The following TNRC6B variants were observed in gnomAD, a reference collection of about 807,000 sequenced individuals.
TNRC6B encodes trinucleotide repeat containing adaptor 6B, also known as trinucleotide repeat-containing gene 6B protein.
Under a neutral mutation model 203.6 loss-of-function variants are expected in TNRC6B, and 52 were observed. The ratio of observed to expected loss-of-function variants is 0.26; its 90% CI spans 0.20 to 0.32. The LOEUF (loss-of-function observed/expected upper bound fraction) is 0.32, where lower values mean the gene tolerates loss of function less well. Among genes scored for constraint, TNRC6B ranks in the 10% least tolerant of loss-of-function variants. The pLI is 1.00. For missense variants in TNRC6B, 1,923 were observed against 2,286.2 expected (o/e 0.84, Z 3.24); for synonymous variants, 838 against 845.7 (o/e 0.99, Z 0.16).
At chr22:40,303,160 G>C (rs1825340153) in intron 15 of TNRC6B, among the ~76,000 whole-genome samples, 1 of 149,178 alleles carries the variant, frequency 6.7e-6, no homozygotes, top group South Asian at 2.1e-4. Context: ...CTCCTGAGTA[G>C]ATGGGATTAC....
At chr22:40,066,801 C>G (rs1052862173) in intron 1 of TNRC6B, among the ~76,000 whole-genome samples, 3 of 151,832 alleles carry the variant, frequency 2.0e-5, no homozygotes, top group African/African-American at 7.3e-5. Context: ...GATAGTCTCC[C>G]TCCAACTTGA....
chr22:40,276,042 A>G (rs2070639139), intron 7 of TNRC6B, among the ~76,000 whole-genome samples: 1 of 151,046 alleles, frequency 6.6e-6, no homozygotes, highest in South Asian at 2.1e-4. Context: ...GGATAATAAA[A>G]TTGATTTGAT....
chr22:40,164,665 G>A lies in TNRC6B; in HGVS notation c.113+8483G>A, dbSNP rs376172456. Reference sequence around the variant, plus strand: ...GTAATCCAAGCTACTAGGAGGCTGAGGCAGGAGAATCGCTTGAACCTGGGA... The same window carrying A: ...GTAATCCAAGCTACTAGGAGGCTGAAGCAGGAGAATCGCTTGAACCTGGGA... On this transcript the variant is annotated intron_variant, in intron 4 of 23. Coordinates refer to the TNRC6B transcript ENST00000301923. Among the ~76,000 whole-genome samples, 4 of 149,988 alleles carry A rather than the reference G, an allele frequency of 2.7e-5. No homozygotes were observed. In the East Asian group the frequency reaches 8.0e-4, roughly 30 times the overall value.
In TNRC6B at chr22:40,241,446, C is replaced by T. The variant is rs1196517388; in HGVS notation, c.6-4569C>T. 2.0e-5 allele frequency among the ~76,000 whole-genome samples: 3 copies of T among 152,226 alleles called. No individual in the cohort carries two copies. The East Asian group carries it at 5.8e-4, about 29-fold the overall frequency. On this transcript the variant is annotated intron_variant, in intron 1 of 22. Coordinates refer to ENST00000454349, the MANE Select transcript of TNRC6B (RefSeq NM_001162501.2). ...AGTCTCCTTTCATTTGGAACAATTC[C>T]TCAATCTTTCCTTGACTGTCACAGC...
chr22:40,274,698 G>T (rs2070613815), intron 7 of TNRC6B, among the ~76,000 whole-genome samples: 1 of 152,216 alleles, frequency 6.6e-6, no homozygotes, highest in Admixed American at 6.5e-5. Context: ...TGGGATTACA[G>T]GCGTGAGCCT....
rs1299826158 is a variant in TNRC6B, at chr22:40,326,639, C to T, written c.*3398C>T. The T allele has an allele frequency of 6.6e-6, 1 of 151,092 alleles. No individual in the cohort carries two copies. Among genetic ancestry groups the T allele is most frequent in the Non-Finnish European group, 1.5e-5 (1 of 67,778 alleles). The allele number at this position is 151,092 out of a possible 1,614,324, so 9.4% of individuals were successfully genotyped here. A position where few individuals can be genotyped will look rare whatever the true frequency, so the allele number is the denominator to read the frequency against. Reference sequence around the variant, plus strand: ...CTTCTCCTTGTCCCCACAACCCCAGCAACAAAAGAAAGGAAGGAAGGAAGA... The same window carrying T: ...CTTCTCCTTGTCCCCACAACCCCAGTAACAAAAGAAAGGAAGGAAGGAAGA... On this transcript the variant is annotated 3_prime_UTR_variant, in exon 23 of 23. Coordinates refer to ENST00000454349, the MANE Select transcript of TNRC6B (RefSeq NM_001162501.2).
Position 40,315,935 on chromosome 22 carries a change from C to T in TNRC6B, c.4904-7C>T, listed in dbSNP as rs923639499. 13 of 1,612,612 alleles carry T rather than the reference C, an allele frequency of 8.1e-6. No homozygotes were observed. Among genetic ancestry groups the T allele is most frequent in the African/African-American group, 1.3e-5 (1 of 74,994 alleles). ...CTCTTCCTAACCATTTTTCTGGTTG[C>T]TCATAGCCTCTACCTGGAGTGATGG... On this transcript the variant is annotated splice_polypyrimidine_tract_variant and splice_region_variant and intron_variant, in intron 20 of 22. Coordinates refer to ENST00000454349, the MANE Select transcript of TNRC6B (RefSeq NM_001162501.2).
chr22:40,312,849 G>T, intron 18 of TNRC6B, 53 bp from the exon 19 acceptor site: 1 of 1,549,274 alleles, frequency 6.5e-7, no homozygotes, highest in East Asian at 2.3e-5. Context: ...AGGTTTCACT[G>T]GTTATACTGA....
At chr22:40,306,985 A>G (rs1269936767) in intron 15 of TNRC6B, among the ~76,000 whole-genome samples, 1 of 152,162 alleles carries the variant, frequency 6.6e-6, no homozygotes, top group Admixed American at 6.5e-5. Context: ...CTCCATCTCC[A>G]AAATAATAAT....
At chr22:40,207,417 AAATATATATAT>A (rs1366433989) in intron 1 of TNRC6B, among the ~76,000 whole-genome samples, 2,922 of 111,254 alleles carry the variant, frequency 0.026, 45 homozygotes, top group African/African-American at 0.079. Flanking sequence ...AAAAAAAAAA[AAATATATATAT>A]ATATATATAT....
At chr22:40,099,715 T>C (rs146871825) in intron 1 of TNRC6B, among the ~76,000 whole-genome samples, 1 of 152,288 alleles carries the variant, frequency 6.6e-6, no homozygotes, top group Non-Finnish European at 1.5e-5. Context: ...ATTAGGTTAT[T>C]TGCACAAGTT....
At chr22:40,089,649 C>T (rs1450052535) in intron 1 of TNRC6B, among the ~76,000 whole-genome samples, 1 of 152,108 alleles carries the variant, frequency 6.6e-6, no homozygotes, top group Non-Finnish European at 1.5e-5. Context: ...GTGTCACATC[C>T]CACACCAGAA....
At chr22:40,170,802 CAT>C (rs1421358430) in intron 4 of TNRC6B, among the ~76,000 whole-genome samples, 2 of 21,818 alleles carry the variant, frequency 9.2e-5, no homozygotes, top group Non-Finnish European at 1.5e-4. Flanking sequence ...TGTATATATA[CAT>C]ATATGTACAT....
chr22:40,211,113 ATCT>A (rs35833168), intron 1 of TNRC6B, among the ~76,000 whole-genome samples: 102,807 of 151,486 alleles, frequency 0.68, 36,601 homozygotes, highest in African/African-American at 0.9. Context: ...TTTCTTCTTC[ATCT>A]TCTTCTTCTT....
intron 1 of TNRC6B, among the ~76,000 whole-genome samples, chr22:40,112,718 T>C (rs10483202): frequency 0.057 from 8,712 of 152,308 alleles, 795 homozygotes; most frequent in African/African-American, 0.19. Flanking sequence ...GAATAGTATC[T>C]GTTGCATTGA....
At position 40,178,158 on chromosome 22, in the gene TNRC6B, AT is replaced by A; in HGVS notation, c.5+26del. ...TTTATGAGGTTGGTAAATATTTTCA[AT>A]TTTTTTTAACCAATTGATTTATATG... is the stretch of plus-strand genomic sequence containing the variant. On this transcript the variant is annotated intron_variant, in intron 1 of 22. Coordinates refer to ENST00000454349, the MANE Select transcript of TNRC6B (RefSeq NM_001162501.2). 6.8e-6 allele frequency: 11 copies of A among 1,611,632 alleles called. No individual in the cohort carries two copies. Among genetic ancestry groups the A allele is most frequent in the Non-Finnish European group, 9.3e-6 (11 of 1,178,304 alleles).
At chr22:40,178,503 T>A (rs969314130) in intron 1 of TNRC6B, among the ~76,000 whole-genome samples, 2 of 152,110 alleles carry the variant, frequency 1.3e-5, no homozygotes, top group East Asian at 1.9e-4. Context: ...GCTGCAAAAA[T>A]TTGCATAAAT....
At chr22:40,230,041 T>TTTCCAAAGTGA (rs1300384378) in intron 1 of TNRC6B, among the ~76,000 whole-genome samples, 11 of 152,206 alleles carry the variant, frequency 7.2e-5, no homozygotes, top group African/African-American at 2.7e-4. Context: ...GCCAAAGTGT[T>TTTCCAAAGTGA]TTCCAAAGTG....
At chr22:40,268,236 C>A (rs373886942) in intron 5 of TNRC6B, among the ~76,000 whole-genome samples, 3 of 152,154 alleles carry the variant, frequency 2.0e-5, no homozygotes, top group African/African-American at 7.2e-5. Context: ...CAGGCACCCA[C>A]TGCCATGCCC....
Sources: gnomAD v4.1 joint callset for allele counts (sites outside exome capture counted in the v4.1 genomes callset) on GRCh38, gnomAD v4.1.1 for gene constraint, MANE v1.5 for transcripts, NCBI Gene and HGNC (gene_info 2026-07-23, HGNC 2026-07-21) for gene names.